MTMR6: variants seen among roughly 807,000 people sequenced by gnomAD.
MTMR6 encodes the protein myotubularin related protein 6, also known as phosphatidylinositol-3,5-bisphosphate 3-phosphatase MTMR6.
A neutral mutation model predicts 80.1 loss-of-function variants in MTMR6; 47 were observed. That is an observed-to-expected ratio of 0.59 (90% CI 0.46 to 0.75). The LOEUF (loss-of-function observed/expected upper bound fraction) is 0.75. Ranked by LOEUF, MTMR6 falls within the 30% of genes least tolerant of loss-of-function variation. The pLI, the probability that MTMR6 is intolerant of heterozygous loss-of-function variation, is 0.00. For missense variants in MTMR6, 629 were observed against 730.9 expected, an observed-to-expected ratio of 0.86 and a Z score of 1.61; for synonymous variants, 254 against 253.0, an observed-to-expected ratio of 1.00 and a Z score of -0.04.
chr13:25,268,029 C>CA, intron 2 of MTMR6, 88 bp from the exon 3 acceptor site: 3 of 1,332,098 alleles, frequency 2.3e-6, no homozygotes, highest in Non-Finnish European at 3.0e-6. Flanking sequence ...ATGTCTTCCT[C>CA]AAAAAAAGTT....
At chr13:25,257,107 A>G in intron 9 of MTMR6, 89 bp downstream of exon 9, 1 of 1,354,100 alleles carries the variant, frequency 7.4e-7, no homozygotes, top group Non-Finnish European at 1.0e-6. Flanking sequence ...TTTAGTGCAA[A>G]ACTGTCTCCA....
At chr13:25,278,402 G>A (rs1566043820) in intron 1 of MTMR6, among the ~76,000 whole-genome samples, 1 of 152,100 alleles carries the variant, frequency 6.6e-6, no homozygotes, top group Non-Finnish European at 1.5e-5. Context: ...AGACCAGCCT[G>A]GCCAACATGG....
At chr13:25,254,624 T>C (rs1957156437) in intron 9 of MTMR6, among the ~76,000 whole-genome samples, 190 bp from the exon 10 acceptor site, 1 of 152,146 alleles carries the variant, frequency 6.6e-6, no homozygotes, top group African/African-American at 2.4e-5. Context: ...AGAATAAAAA[T>C]GCATAAAAAG....
At chr13:25,265,191 C>T (rs1344545145) in intron 5 of MTMR6, among the ~76,000 whole-genome samples, 1 of 152,146 alleles carries the variant, frequency 6.6e-6, no homozygotes, top group East Asian at 1.9e-4. Flanking sequence ...TCCCTTGTCT[C>T]AGCGGTTGTC....
chr13:25,261,828 A>AT, intron 5 of MTMR6, 26 bp from the exon 6 acceptor site: 1 of 1,595,854 alleles, frequency 6.3e-7, no homozygotes, highest in Non-Finnish European at 8.5e-7. Context: ...CAGAAAAGAG[A>AT]TTATGCAAAG....
At chr13:25,274,240 T>C (rs1957654457) in intron 1 of MTMR6, 53 bp from the exon 2 acceptor site, 2 of 1,268,578 alleles carry the variant, frequency 1.6e-6, no homozygotes, top group Admixed American at 2.0e-5. Context: ...TAAATTATTT[T>C]TCTGTTAGCC....
chr13:25,267,246 CAA>C (rs771144201), intron 3 of MTMR6, among the ~76,000 whole-genome samples: 17 of 66,950 alleles, frequency 2.5e-4, no homozygotes, highest in Non-Finnish European at 3.0e-4. Context: ...GATTCCATCT[CAA>C]AAAAAAAAAA....
chr13:25,252,171 A>T (rs1348950324), intron 11 of MTMR6, among the ~76,000 whole-genome samples, 187 bp from the exon 12 acceptor site: 3 of 152,194 alleles, frequency 2.0e-5, no homozygotes, highest in South Asian at 2.1e-4. Flanking sequence ...ATTCATAATT[A>T]GGTAATAAAG....
chr13:25,258,372 A>AT (rs1177026087), intron 7 of MTMR6, among the ~76,000 whole-genome samples, 188 bp downstream of exon 7: 2 of 151,904 alleles, frequency 1.3e-5, no homozygotes, highest in African/African-American at 4.8e-5. Flanking sequence ...CTCATTACTG[A>AT]TTTTTTTTAT....
intron 7 of MTMR6, among the ~76,000 whole-genome samples, 171 bp downstream of exon 7, chr13:25,258,386 GACT>G (rs746474664): frequency 7.1e-4 from 108 of 151,698 alleles, no homozygotes; most frequent in Admixed American, 3.5e-3. Flanking sequence ...TTTTTATATT[GACT>G]ACATGTTAAA....
rs1271151050 is a variant in MTMR6 at position 25,265,861 on chromosome 13, C to G, written c.549G>C (p.Lys183Asn). Residue 183 changes from lysine to asparagine, a missense_variant, in exon 5 of 14, where the codon AAG becomes AAC. Coordinates refer to ENST00000381801, the MANE Select transcript of MTMR6 (RefSeq NM_004685.5). ...AGTAGGAAAGAACTGGGAATCTTCCCTTGCTCCGGAACTTGGAACTACCAA... is the reference window on the plus strand; with the variant it reads ...AGTAGGAAAGAACTGGGAATCTTCCGTTGCTCCGGAACTTGGAACTACCAA... ...IIVGSSKFRS[K>N]GRFPVLSYYH... is the part of the protein sequence containing the mutation. 1 of 1,614,054 alleles carries G rather than the reference C, an allele frequency of 6.2e-7. No individual in the cohort carries two copies. The highest frequency in any genetic ancestry group is 1.1e-5 in the South Asian group (1 of 91,086).
rs144943109 is a variant in MTMR6, at chr13:25,261,201, C to G, written c.726+467G>C. Among the ~76,000 whole-genome samples the G allele has an allele frequency of 5.1e-3, 739 of 145,668 alleles. 30 individuals carry two copies. The East Asian group carries it at 0.097, about 19-fold the overall frequency. ...GTACGTGCCTGTAATACCAGCTACT[C>G]AGGAGGCTGAAGCAGGAGAATTGCT... On this transcript the variant is annotated intron_variant, in intron 6 of 13. Transcript: ENST00000381801.
At chr13:25,264,187 T>C (rs762414881) in intron 5 of MTMR6, among the ~76,000 whole-genome samples, 6 of 151,052 alleles carry the variant, frequency 4.0e-5, no homozygotes, top group Non-Finnish European at 8.8e-5. Flanking sequence ...AGCTCTCAGA[T>C]ATTAAAAACA....
At position 25,253,898 on chromosome 13, in the gene MTMR6, C is replaced by T. The variant is rs1324294784; in HGVS notation, c.1212G>A (p.Val404=). 4.0e-5 allele frequency: 65 copies of T among 1,614,012 alleles called. No individual in the cohort carries two copies. The highest frequency in any genetic ancestry group is 5.3e-5 in the Non-Finnish European group (63 of 1,180,032). ...SPVFTQFLEC[V]WHLTEQFPQA... ...GTGGAAACTGTTCGGTCAAATGCCA[C>T]ACACATTCCAAGAACTGAGTAAACA... is the stretch of plus-strand genomic sequence containing the variant. The change falls in exon 11 of 14, where the codon GTG becomes GTA. Residue 404 remains valine, a synonymous_variant. Coordinates refer to ENST00000381801, the MANE Select transcript of MTMR6 (RefSeq NM_004685.5).
At chr13:25,274,971 C>CACACACACACACAG (rs1957683786) in intron 1 of MTMR6, among the ~76,000 whole-genome samples, 1 of 123,440 alleles carries the variant, frequency 8.1e-6, no homozygotes, top group East Asian at 3.0e-4. Context: ...TACACACACA[C>CACACACACACACAG]ACACACACAC....
chr13:25,252,919 G>T (rs149519032), intron 11 of MTMR6, among the ~76,000 whole-genome samples: 118 of 152,180 alleles, frequency 7.8e-4, no homozygotes, highest in African/African-American at 2.7e-3. Context: ...TTGGGAGTGT[G>T]AGCATGTGGC....
rs936885620 is a variant in MTMR6, at chr13:25,248,908, T to A, written c.*324A>T. On this transcript the variant is annotated 3_prime_UTR_variant, in exon 14 of 14. Coordinates refer to ENST00000381801, the MANE Select transcript of MTMR6 (RefSeq NM_004685.5). ...ATTTTGTTTTCTTGAAGTTAAATTG[T>A]ACTTAAGGAAGGTTATTTATGTTTG... is the stretch of plus-strand genomic sequence containing the variant. 3 of 211,522 alleles carry A rather than the reference T, an allele frequency of 1.4e-5. No homozygotes were observed. The highest frequency in any genetic ancestry group is 6.9e-5 in the African/African-American group (3 of 43,682). The allele number at this position is 211,522 out of a possible 1,614,324, so 13.1% of individuals were successfully genotyped here.
At position 25,248,108 on chromosome 13, in the gene MTMR6, T is replaced by A. The variant is rs1404109162; in HGVS notation, c.*1124A>T. 1 of 152,142 alleles carries A rather than the reference T, an allele frequency of 6.6e-6. No individual in the cohort carries two copies. Among genetic ancestry groups the A allele is most frequent in the African/African-American group, 2.4e-5 (1 of 41,462 alleles). The allele number at this position is 152,142 out of a possible 1,614,324, so 9.4% of individuals were successfully genotyped here. On this transcript the variant is annotated 3_prime_UTR_variant, in exon 14 of 14. Transcript: ENST00000381801. ...AACTTTGTACTAGAATCTCTTTTTT[T>A]TTCTATATTTAACAAGAAGAAAAAT...
chr13:25,279,948 C>T (rs1957810029), intron 1 of MTMR6, among the ~76,000 whole-genome samples: 1 of 152,044 alleles, frequency 6.6e-6, no homozygotes, highest in Non-Finnish European at 1.5e-5. Flanking sequence ...AAGATCATTC[C>T]AGTGTGAATG....
Sources: gnomAD v4.1 joint callset for allele counts (sites outside exome capture counted in the v4.1 genomes callset) on GRCh38, gnomAD v4.1.1 for gene constraint, MANE v1.5 for transcripts, NCBI Gene and HGNC (gene_info 2026-07-23, HGNC 2026-07-21) for gene names.